Variants in S100A1 observed in about 807,000 individuals in gnomAD.
The protein encoded by S100A1 is S100 calcium binding protein A1, also known as protein S100-A1.
In S100A1, 3 loss-of-function variants were observed where a neutral mutation model predicts 7.6. The ratio of observed to expected loss-of-function variants is 0.40; its 90% CI spans 0.18 to 1.02. S100A1 has a LOEUF of 1.02. Ranked by LOEUF, S100A1 falls within the 50% of genes least tolerant of loss-of-function variation. The pLI, the probability that S100A1 is intolerant of heterozygous loss-of-function variation, is 0.35. For synonymous variants in S100A1, 49 were observed against 49.0 expected (o/e 1.00, Z 0.00); for missense variants, 126 against 115.0 (o/e 1.10, Z -0.44).
At chr1:153,631,552 CCT>C (rs746372901) in intron 2 of S100A1, 144 bp from the exon 3 acceptor site, 1 of 1,613,910 alleles carries the variant, frequency 6.2e-7, no homozygotes, top group East Asian at 2.2e-5. Flanking sequence ...GCCCTCAAGA[CCT>C]TTGAGGAGGC....
chr1:153,631,386 A>G, intron 2 of S100A1: 7 of 1,352,270 alleles, frequency 5.2e-6, no homozygotes, highest in Non-Finnish European at 7.1e-6. Context: ...AAATAATGAA[A>G]CATACCTCAC....
intron 2 of S100A1, chr1:153,630,951 T>C (rs1022039372): frequency 8.9e-6 from 4 of 450,720 alleles, no homozygotes; most frequent in African/African-American, 7.8e-5. Flanking sequence ...AACCATGAAC[T>C]CCAGGAAATA....
At chr1:153,628,536 A>G in intron 1 of S100A1, 40 bp downstream of exon 1, 1 of 1,549,096 alleles carries the variant, frequency 6.5e-7, no homozygotes, top group Non-Finnish European at 8.7e-7. Context: ...CTGGCCTGCC[A>G]GCTTCAGGGA....
In S100A1 at chr1:153,631,904, G is replaced by C. The variant is rs1231862172; in HGVS notation, c.*63G>C. On this transcript the variant is annotated 3_prime_UTR_variant, in exon 3 of 3. Coordinates refer to ENST00000292169, the MANE Select transcript of S100A1 (RefSeq NM_006271.2). ...CCTCCCAGACCTGCCTCTTCCCCCT[G>C]CTTCCACCTCACCCCACTTATCCCT... 5.7e-6 allele frequency: 9 copies of C among 1,576,366 alleles called. No individual in the cohort carries two copies. The highest frequency in any genetic ancestry group is 7.7e-6 in the Non-Finnish European group (9 of 1,161,452).
chr1:153,631,636 G>A (rs1046381), intron 2 of S100A1, 62 bp from the exon 3 acceptor site: 896,571 of 1,612,924 alleles, frequency 0.56, 251,827 homozygotes, highest in Admixed American at 0.71. Context: ...CCACCCCCTT[G>A]CCTCTGACTC....
Position 153,630,610 on chromosome 1 carries a change from G to C in S100A1, c.89G>C (p.Ser30Thr). 6.2e-7 allele frequency: 1 copy of C among 1,614,272 alleles called. No individual in the cohort carries two copies. The highest frequency in any genetic ancestry group is 8.5e-7 in the Non-Finnish European group (1 of 1,180,054). Residue 30 changes from serine (S) to threonine (T), a missense_variant, in exon 2 of 3, where the codon AGC (serine) becomes ACC (threonine). Coordinates refer to ENST00000292169, the MANE Select transcript of S100A1 (RefSeq NM_006271.2). ...AAAGAGGGGGACAAGTACAAGCTGA[G>C]CAAGAAGGAGCTGAAAGAGCTGCTG... is the stretch of plus-strand genomic sequence containing the variant. ...SGKEGDKYKL[S>T]KKELKELLQT...
At chr1:153,630,197 TG>T in intron 1 of S100A1, 1 of 445,736 alleles carries the variant, frequency 2.2e-6, no homozygotes. Context: ...AATCCCTGCC[TG>T]GGCAGCCACT....
chr1:153,630,685 G>A, intron 2 of S100A1, 23 bp downstream of exon 2: 1 of 1,612,066 alleles, frequency 6.2e-7, no homozygotes, highest in Non-Finnish European at 8.5e-7. Flanking sequence ...TGGTGGAGTG[G>A]GAGTGGAGTG....
intron 2 of S100A1, chr1:153,631,120 A>C: frequency 3.2e-6 from 1 of 307,944 alleles, no homozygotes; most frequent in East Asian, 6.5e-5. Context: ...AACTGAATGA[A>C]CAAAAGCATG....
chr1:153,630,342 G>A (rs1381909371), intron 1 of S100A1, 167 bp from the exon 2 acceptor site: 1 of 828,904 alleles, frequency 1.2e-6, no homozygotes, highest in African/African-American at 1.7e-5. Flanking sequence ...GGTCTCTTGG[G>A]GTTTCCCTCA....
In S100A1 at chr1:153,630,686, G is replaced by C. The variant is rs543796518; in HGVS notation, c.141+24G>C. On this transcript the variant is annotated intron_variant, in intron 2 of 2. Coordinates refer to ENST00000292169, the MANE Select transcript of S100A1 (RefSeq NM_006271.2). ...ATGTGAGCATAGAGTGGTGGAGTGG[G>C]AGTGGAGTGGGTGAAGGTTGGGGGA... The C allele has an allele frequency of 6.2e-6, 10 of 1,612,238 alleles. No individual in the cohort carries two copies. In the African/African-American group the frequency reaches 1.2e-4, roughly 19 times the overall value.
At position 153,628,490 on chromosome 1, in the gene S100A1, G is replaced by A. The variant is rs1667809782; in HGVS notation, c.-20G>A. The A allele has an allele frequency of 6.4e-7, 1 of 1,550,710 alleles. No homozygotes were observed. The highest frequency in any genetic ancestry group is 8.7e-7 in the Non-Finnish European group (1 of 1,146,960). On this transcript the variant is annotated 5_prime_UTR_variant, in exon 1 of 3. Transcript: ENST00000292169. ...GAACCTGCTCCCACCTCAGGCCCAG[G>A]CCAACCGTGAGTACCCTGCCCCACT... is the stretch of plus-strand genomic sequence containing the variant.
At chr1:153,628,557 C>T in intron 1 of S100A1, 61 bp downstream of exon 1, 1 of 1,543,456 alleles carries the variant, frequency 6.5e-7, no homozygotes, top group Non-Finnish European at 8.7e-7. Flanking sequence ...GAGGGGTCTT[C>T]AGAAGGGCTC....
At chr1:153,630,801 T>C in intron 2 of S100A1, 139 bp downstream of exon 2, 1 of 1,168,048 alleles carries the variant, frequency 8.6e-7, no homozygotes, top group Non-Finnish European at 1.2e-6. Flanking sequence ...TCTCCTGGGT[T>C]TTTCCAGGCT....
At chr1:153,630,716 G>T (rs1393518256) in intron 2 of S100A1, 54 bp downstream of exon 2, 2 of 1,594,720 alleles carry the variant, frequency 1.3e-6, no homozygotes, top group Admixed American at 1.7e-5. Flanking sequence ...GGGGGAATGG[G>T]GTGGACACCC....
chr1:153,629,370 C>A (rs1370969314), intron 1 of S100A1: 1 of 152,250 alleles, frequency 6.6e-6, no homozygotes, highest in Non-Finnish European at 1.5e-5. Flanking sequence ...ATGACACTCA[C>A]AAGGGCCCCA....
chr1:153,631,444 T>G, intron 2 of S100A1: 1 of 1,559,660 alleles, frequency 6.4e-7, no homozygotes, highest in East Asian at 2.4e-5. Context: ...AAGCTCCTAG[T>G]GTAGTGCTTG....
chr1:153,631,566 T>A, intron 2 of S100A1, 132 bp from the exon 3 acceptor site: 1 of 1,613,962 alleles, frequency 6.2e-7, no homozygotes, highest in South Asian at 1.1e-5. Flanking sequence ...TGAGGAGGCC[T>A]AGAAGAGTCC....
intron 1 of S100A1, chr1:153,630,113 G>A: frequency 3.6e-6 from 1 of 277,702 alleles, no homozygotes; most frequent in South Asian, 1.3e-4. Context: ...AGACAGGCAA[G>A]GTCCAGGGTA....
Sources: gnomAD v4.1 joint callset for allele counts on GRCh38, gnomAD v4.1.1 for gene constraint, MANE v1.5 for transcripts, NCBI Gene and HGNC (gene_info 2026-07-23, HGNC 2026-07-21) for gene names.